Variants in SEMA3D observed in about 807,000 individuals in gnomAD.
The protein encoded by SEMA3D is semaphorin-3D.
In SEMA3D, 84 loss-of-function variants were observed where a neutral mutation model predicts 100.1. The observed-to-expected ratio is 0.84, with a 90% CI of 0.70 to 1.01. The LOEUF (loss-of-function observed/expected upper bound fraction) is 1.01. SEMA3D is among the 50% of genes least tolerant of loss of function. The probability of loss-of-function intolerance (pLI) is 0.00; values close to 1 mark genes in which losing one functional copy is unlikely to be tolerated. For synonymous variants in SEMA3D, 312 were observed against 320.7 expected (o/e 0.97, Z 0.29); for missense variants, 875 against 934.1 (o/e 0.94, Z 0.82).
At chr7:85,149,193 T>A (rs1033972886) in intron 2 of SEMA3D, among the ~76,000 whole-genome samples, 4 of 151,926 alleles carry the variant, frequency 2.6e-5, no homozygotes, top group African/African-American at 9.7e-5. Flanking sequence ...GCCTGTAATC[T>A]CAGCACTTTG....
At position 85,122,962 on chromosome 7, in the gene SEMA3D, C is replaced by T. The variant is rs77656901; in HGVS notation, c.-40-1031G>A. 9.4e-3 allele frequency among the ~76,000 whole-genome samples: 1,429 copies of T among 152,154 alleles called. 22 individuals are homozygous for T. Among genetic ancestry groups the T allele is most frequent in the African/African-American group, 0.032 (1,332 of 41,504 alleles). Reference sequence around the variant, plus strand: ...TAACAAAAATTACAAATCATATTATCGAGCATTTATATGTTCCCAATACTT... The same window carrying T: ...TAACAAAAATTACAAATCATATTATTGAGCATTTATATGTTCCCAATACTT... On this transcript the variant is annotated intron_variant, in intron 2 of 18. Transcript: ENST00000284136.
chr7:85,218,158 A>G, the SEMA3D span, among the ~76,000 whole-genome samples: 1 of 152,070 alleles, frequency 6.6e-6, no homozygotes, highest in Non-Finnish European at 1.5e-5. Flanking sequence ...TGAGATAAGA[A>G]ACATATCATT....
intron 3 of SEMA3D, among the ~76,000 whole-genome samples, chr7:85,113,034 C>T (rs1293336849): frequency 6.6e-6 from 1 of 152,082 alleles, no homozygotes; most frequent in Non-Finnish European, 1.5e-5. Context: ...ATTACAGACA[C>T]CAGTGATTCC....
At chr7:85,125,156 T>C (rs1478450453) in intron 2 of SEMA3D, among the ~76,000 whole-genome samples, 10 of 152,068 alleles carry the variant, frequency 6.6e-5, no homozygotes, top group East Asian at 1.9e-4. Context: ...CTTCTGGACA[T>C]GTGAAATACC....
intron 3 of SEMA3D, among the ~76,000 whole-genome samples, chr7:85,103,441 G>A (rs1197724168): frequency 6.6e-6 from 1 of 151,916 alleles, no homozygotes; most frequent in Non-Finnish European, 1.5e-5. Context: ...CAGGAACTTT[G>A]TTTTTTTATT....
At chr7:85,218,182 G>A in the SEMA3D span, among the ~76,000 whole-genome samples, 16 of 151,992 alleles carry the variant, frequency 1.1e-4, 1 homozygote, top group Admixed American at 9.9e-4. Context: ...GAAGAAAGAT[G>A]TCCTTTAATT....
Position 85,121,940 on chromosome 7 carries a change from G to C in SEMA3D, c.-40-9C>G. 8.0e-7 allele frequency: 1 copy of C among 1,246,556 alleles called. No homozygotes were observed. The highest frequency in any genetic ancestry group is 2.9e-5 in the Admixed American group (1 of 34,274). 77.2% of individuals were successfully genotyped at this position (1,246,556 alleles called of 1,614,324 possible). On this transcript the variant is annotated splice_polypyrimidine_tract_variant and intron_variant, in intron 2 of 18. Transcript: ENST00000284136. ...AATGGTGTTAATTTAATCTAAAAAA[G>C]AGTAAAAAAAAAAAAACTATTAAGG...
At chr7:85,189,324 T>G (rs189712291), upstream of SEMA3D, among the ~76,000 whole-genome samples, 1 of 152,318 alleles carries the variant, frequency 6.6e-6, no homozygotes, top group Non-Finnish European at 1.5e-5. Flanking sequence ...GATTTATTTC[T>G]GAATTTCTAA....
At chr7:85,244,843 T>TGGGACTATAGGCACCCACCACCACTCC in the SEMA3D span, among the ~76,000 whole-genome samples, 3 of 151,726 alleles carry the variant, frequency 2.0e-5, no homozygotes, top group African/African-American at 7.3e-5. Context: ...CCTGAGTAGC[T>TGGGACTATAGGCACCCACCACCACTCC]GGGACTATAG....
At chr7:85,087,559 T>C (rs1788260280) in intron 4 of SEMA3D, among the ~76,000 whole-genome samples, 1 of 152,132 alleles carries the variant, frequency 6.6e-6, no homozygotes, top group Non-Finnish European at 1.5e-5. Flanking sequence ...TACTTGCAAA[T>C]TGGTTTTAAT....
intron 10 of SEMA3D, 167 bp downstream of exon 10, chr7:85,042,004 C>A: frequency 1.6e-6 from 1 of 620,360 alleles, no homozygotes; most frequent in South Asian, 2.0e-5. Context: ...TGTGCCCAGA[C>A]CTAGAGCACT....
At chr7:85,081,194 C>T (rs1021785787) in intron 5 of SEMA3D, among the ~76,000 whole-genome samples, 1 of 152,124 alleles carries the variant, frequency 6.6e-6, no homozygotes, top group Non-Finnish European at 1.5e-5. Context: ...ATGAAAAATA[C>T]ATGTTCCTAG....
At chr7:85,149,812 G>T (rs1026151859) in intron 2 of SEMA3D, among the ~76,000 whole-genome samples, 4 of 152,054 alleles carry the variant, frequency 2.6e-5, no homozygotes, top group African/African-American at 9.7e-5. Context: ...AGACACTCTG[G>T]AGTAATACAG....
intron 1 of SEMA3D, among the ~76,000 whole-genome samples, chr7:85,168,622 T>A (rs1486434381): frequency 4.6e-5 from 6 of 131,508 alleles, no homozygotes; most frequent in African/African-American, 1.5e-4. Context: ...CTGCAATTTT[T>A]TTTTTTTTTT....
Position 85,020,276 on chromosome 7 carries a change from C to T in SEMA3D, c.1460G>A (p.Trp487Ter). The T allele has an allele frequency of 1.2e-6, 2 of 1,610,316 alleles. No individual in the cohort carries two copies. The highest frequency in any genetic ancestry group is 1.7e-6 in the Non-Finnish European group (2 of 1,177,540). Residue 487 changes from tryptophan (W) to a stop codon, truncating the protein, a stop_gained, in exon 14 of 19, where the codon TGG (tryptophan) becomes TAG (stop). Transcript: ENST00000284136. LOFTEE classifies it high-confidence loss of function. The stretch of plus-strand genomic sequence containing the variant: ...CTCCAGCACTACCTCTTCCATATTC[C>T]ACTTTTCCTTTGAAATGCTGACAAC... ...LKVVSISKEK[W>*]NMEEVVLEEL...
intron 1 of SEMA3D, among the ~76,000 whole-genome samples, chr7:85,185,419 C>T (rs1214342448): frequency 1.3e-5 from 2 of 152,138 alleles, no homozygotes; most frequent in Non-Finnish European, 1.5e-5. Flanking sequence ...TTTAGGTCTT[C>T]TCCCCTCTTC....
intron 9 of SEMA3D, among the ~76,000 whole-genome samples, chr7:85,052,422 A>G (rs1034577390): frequency 1.3e-5 from 2 of 151,976 alleles, no homozygotes; most frequent in Admixed American, 6.6e-5. Flanking sequence ...AATTCCAGTT[A>G]CAACAAGATT....
intron 17 of SEMA3D, 52 bp downstream of exon 17, chr7:85,012,729 GA>G (rs1033691257): frequency 7.6e-7 from 1 of 1,317,298 alleles, no homozygotes; most frequent in African/African-American, 1.5e-5. Context: ...AAGATACAAA[GA>G]GTGGGCTTAG....
At position 84,996,536 on chromosome 7, in the gene SEMA3D, C is replaced by T. The variant is rs1789505567; in HGVS notation, c.*2904G>A. 1 of 151,990 alleles carries T rather than the reference C, an allele frequency of 6.6e-6. No individual in the cohort carries two copies. The highest frequency in any genetic ancestry group is 2.1e-4 in the South Asian group (1 of 4,828). The allele number at this position is 151,990 out of a possible 1,614,324, so 9.4% of individuals were successfully genotyped here. A position where few individuals can be genotyped will look rare whatever the true frequency, so the allele number is the denominator to read the frequency against. On this transcript the variant is annotated 3_prime_UTR_variant, in exon 19 of 19. Transcript: ENST00000284136. ...AATAATGTGGATGTAGTGTTTTGAG[C>T]TCTTTGGAAAAAAGGACTCTACATA...
Sources: allele counts gnomAD v4.1 joint callset (sites outside exome capture counted in the v4.1 genomes callset), GRCh38; gene constraint gnomAD v4.1.1; transcripts MANE v1.5; gene names NCBI Gene and HGNC (gene_info 2026-07-23, HGNC 2026-07-21).